Variants in CPNE4 observed in about 807,000 individuals in gnomAD.
CPNE4 encodes copine-4.
Under a neutral mutation model 67.9 loss-of-function variants are expected in CPNE4, and 25 were observed. That is an observed-to-expected ratio of 0.37 (90% CI 0.27 to 0.51). The LOEUF is 0.51. Among genes scored for constraint, CPNE4 ranks in the 20% least tolerant of loss-of-function variants. The pLI, the probability that CPNE4 is intolerant of heterozygous loss-of-function variation, is 0.93. For missense variants in CPNE4, 464 were observed against 690.8 expected, an observed-to-expected ratio of 0.67 and a Z score of 3.68; for synonymous variants, 242 against 244.9, an observed-to-expected ratio of 0.99 and a Z score of 0.11.
intron 3 of CPNE4, among the ~76,000 whole-genome samples, chr3:131,711,913 A>G (rs2081567785): frequency 6.6e-6 from 1 of 152,178 alleles, no homozygotes; most frequent in Non-Finnish European, 1.5e-5. Context: ...GTAATCAAAA[A>G]TAATATTTCA....
At chr3:131,882,229 T>C (rs1299794044) in intron 2 of CPNE4, among the ~76,000 whole-genome samples, 1 of 152,050 alleles carries the variant, frequency 6.6e-6, no homozygotes, top group African/African-American at 2.4e-5. Flanking sequence ...TTTAATTATA[T>C]TAGTATTTTA....
intron 7 of CPNE4, among the ~76,000 whole-genome samples, chr3:131,658,469 C>A (rs969786458): frequency 6.6e-6 from 1 of 152,200 alleles, no homozygotes; most frequent in African/African-American, 2.4e-5. Context: ...TCAATGAGCT[C>A]ATGTTCCCAA....
At chr3:131,796,140 G>A (rs2083910862) in intron 2 of CPNE4, among the ~76,000 whole-genome samples, 1 of 152,096 alleles carries the variant, frequency 6.6e-6, no homozygotes, top group African/African-American at 2.4e-5. Context: ...TTTGGCTAGA[G>A]GAGATGACAG....
At chr3:131,955,986 C>A (rs1478271696) in intron 1 of CPNE4, among the ~76,000 whole-genome samples, 2 of 152,116 alleles carry the variant, frequency 1.3e-5, no homozygotes, top group Non-Finnish European at 2.9e-5. Context: ...ATGTTTGCTC[C>A]TTTAATCTCT....
chr3:132,015,330 TTACAGTGAGGCTTACA>T (rs1318608322), intron 1 of CPNE4, among the ~76,000 whole-genome samples: 1 of 152,200 alleles, frequency 6.6e-6, no homozygotes, highest in African/African-American at 2.4e-5. Context: ...CTAGGAGAGC[TTACAGTGAGGCTTACA>T]TTTACCAGCA....
In CPNE4 at chr3:131,942,449, TGTGTGTGTGTGTGTGAGAGAGAGA is replaced by T. The variant is rs1488012585; in HGVS notation, c.-1-37029_-1-37006del. ...GTGTGTGTGTGTGTGTGTGTGTGTG[TGTGTGTGTGTGTGTGAGAGAGAGA>T]GAGAGAGAGAGAGAGAGAGAGAGAG... On this transcript the variant is annotated intron_variant, in intron 1 of 15. Transcript: ENST00000429747. 2.9e-4 allele frequency among the ~76,000 whole-genome samples: 18 copies of T among 61,780 alleles called. No individual in the cohort carries two copies. In the East Asian group the frequency reaches 5.2e-3, roughly 18 times the overall value. 40.5% of individuals were successfully genotyped at this position (61,780 alleles called of 152,430 possible).
chr3:131,757,367 G>A (rs909307367), intron 2 of CPNE4, among the ~76,000 whole-genome samples: 1 of 152,178 alleles, frequency 6.6e-6, no homozygotes, highest in African/African-American at 2.4e-5. Context: ...CGTGACTTTT[G>A]TTATGTTTTA....
intron 2 of CPNE4, among the ~76,000 whole-genome samples, chr3:131,783,329 A>C (rs1560301661): frequency 6.6e-6 from 1 of 152,064 alleles, no homozygotes; most frequent in Non-Finnish European, 1.5e-5. Context: ...TTGGCCATCC[A>C]TGTCTGAGCT....
At chr3:131,790,417 C>G (rs568700261) in intron 2 of CPNE4, among the ~76,000 whole-genome samples, 1 of 152,216 alleles carries the variant, frequency 6.6e-6, no homozygotes, top group African/African-American at 2.4e-5. Flanking sequence ...CTGGATACCC[C>G]CTACCCCAAA....
intron 2 of CPNE4, among the ~76,000 whole-genome samples, chr3:131,867,517 C>T (rs1027275951): frequency 2.1e-5 from 2 of 95,212 alleles, no homozygotes; most frequent in Admixed American, 1.4e-4. Flanking sequence ...TGAAGGAAGG[C>T]ATGCGGGTGG....
At chr3:131,889,615 G>A (rs2088025193) in intron 2 of CPNE4, among the ~76,000 whole-genome samples, 1 of 152,192 alleles carries the variant, frequency 6.6e-6, no homozygotes, top group South Asian at 2.1e-4. Context: ...TTTTAGTAAT[G>A]AAACCATATT....
chr3:131,542,513 G>A (rs1347281088), intron 15 of CPNE4, 44 bp downstream of exon 15: 2 of 1,346,116 alleles, frequency 1.5e-6, no homozygotes, highest in African/African-American at 2.9e-5. Context: ...GCATGCTTTG[G>A]TTCTGCTCTT....
At chr3:131,620,708 G>C (rs763201312) in intron 7 of CPNE4, among the ~76,000 whole-genome samples, 3 of 152,134 alleles carry the variant, frequency 2.0e-5, no homozygotes, top group African/African-American at 7.2e-5. Context: ...AGAAAGAGAT[G>C]CAATAATGGA....
At chr3:131,583,067 T>C (rs1164589075) in intron 8 of CPNE4, among the ~76,000 whole-genome samples, 1 of 152,134 alleles carries the variant, frequency 6.6e-6, no homozygotes, top group African/African-American at 2.4e-5. Flanking sequence ...AAGAGGGAGA[T>C]CTTATACCAG....
chr3:131,835,290 A>G (rs2085511615), intron 2 of CPNE4, among the ~76,000 whole-genome samples: 3 of 152,198 alleles, frequency 2.0e-5, no homozygotes, highest in Non-Finnish European at 2.9e-5. Context: ...GCACTTTGGA[A>G]GGCCAAGGTG....
chr3:131,793,156 A>T (rs960098034), intron 2 of CPNE4, among the ~76,000 whole-genome samples: 4 of 152,070 alleles, frequency 2.6e-5, no homozygotes, highest in African/African-American at 7.2e-5. Flanking sequence ...ACACCTTAAT[A>T]ACATTTCTCA....
At chr3:131,789,110 TGGGTGTTTACCA>T (rs1269730787) in intron 2 of CPNE4, among the ~76,000 whole-genome samples, 10 of 152,004 alleles carry the variant, frequency 6.6e-5, no homozygotes, top group Non-Finnish European at 1.5e-4. Context: ...CACCTGGTCC[TGGGTGTTTACCA>T]GCCACCCATC....
intron 2 of CPNE4, among the ~76,000 whole-genome samples, chr3:131,728,694 A>C (rs1196924785): frequency 6.6e-6 from 1 of 151,876 alleles, no homozygotes. Context: ...GCGGATCACG[A>C]GGTCAGGAGA....
At chr3:131,610,114 CT>C (rs1290330444) in intron 7 of CPNE4, among the ~76,000 whole-genome samples, 1 of 151,920 alleles carries the variant, frequency 6.6e-6, no homozygotes, top group Non-Finnish European at 1.5e-5. Context: ...TCCTTTTTCC[CT>C]CCTTTCACAA....
Sources: gnomAD v4.1 joint callset for allele counts (sites outside exome capture counted in the v4.1 genomes callset) on GRCh38, gnomAD v4.1.1 for gene constraint, MANE v1.5 for transcripts, NCBI Gene and HGNC (gene_info 2026-07-23, HGNC 2026-07-21) for gene names.